The following CSMD1 variants were observed in gnomAD, a reference collection of about 807,000 sequenced individuals.
The protein encoded by CSMD1 is CUB and Sushi multiple domains 1.
A neutral mutation model predicts 417.5 loss-of-function variants in CSMD1; 213 were observed. The observed-to-expected ratio is 0.51, with a 90% CI of 0.46 to 0.57. The LOEUF (loss-of-function observed/expected upper bound fraction) is 0.57. Ranked by LOEUF, CSMD1 falls within the 20% of genes least tolerant of loss-of-function variation. CSMD1 has a pLI of 0.00. For missense variants in CSMD1, 6,923 were observed against 4,529.7 expected (o/e 1.53, Z -15.17); for synonymous variants, 2,862 against 1,736.8 (o/e 1.65, Z -16.11).
chr8:4,811,796 C>G (rs1364772737), intron 1 of CSMD1, among the ~76,000 whole-genome samples: 1 of 151,864 alleles, frequency 6.6e-6, no homozygotes, highest in Non-Finnish European at 1.5e-5. Context: ...GTTTAAAATA[C>G]CAAGTTTTGC....
chr8:4,487,805 C>T (rs777359262), intron 2 of CSMD1, among the ~76,000 whole-genome samples: 1 of 142,510 alleles, frequency 7.0e-6, no homozygotes, highest in Non-Finnish European at 1.5e-5. Context: ...AATTAATTAA[C>T]TTAGGCAAGA....
intron 6 of CSMD1, 105 bp from the exon 7 acceptor site, chr8:3,708,596 CG>C (rs1210399209): frequency 3.5e-6 from 3 of 856,332 alleles, no homozygotes; most frequent in Non-Finnish European, 5.9e-6. Flanking sequence ...TATCAACCCC[CG>C]AAAATGGGAA....
chr8:3,483,970 T>G lies in CSMD1; in HGVS notation c.1448+9653A>C, dbSNP rs544825118. 3.3e-5 allele frequency among the ~76,000 whole-genome samples: 5 copies of G among 152,240 alleles called. No homozygotes were observed. In the Middle Eastern group the frequency reaches 9.5e-3, roughly 289 times the overall value. ...TGTTCATGAGCTGAAAGATTTAACA[T>G]AGTAAATATGTCAATTTTCTCCAAA... On this transcript the variant is annotated intron_variant, in intron 11 of 69. Transcript: ENST00000635120.
chr8:3,310,552 G>GCTTATCCAATGTCATTGGAACATA (rs1456435162), intron 23 of CSMD1, among the ~76,000 whole-genome samples: 4 of 152,152 alleles, frequency 2.6e-5, no homozygotes, highest in African/African-American at 7.2e-5. Context: ...TAGGTATGCT[G>GCTTATCCAATGTCATTGGAACATA]CTTATCCAAT....
intron 25 of CSMD1, among the ~76,000 whole-genome samples, chr8:3,302,343 C>T (rs1479114133): frequency 1.3e-5 from 2 of 152,166 alleles, no homozygotes; most frequent in African/African-American, 4.8e-5. Context: ...CTCATCACAG[C>T]ATCTCCTCCC....
intron 12 of CSMD1, among the ~76,000 whole-genome samples, chr8:3,456,026 C>G (rs925425941): frequency 6.6e-6 from 1 of 152,174 alleles, no homozygotes; most frequent in East Asian, 1.9e-4. Context: ...GCCCCTCCCC[C>G]AGCCTCGCCG....
chr8:3,350,952 G>A (rs1258439934), intron 21 of CSMD1, among the ~76,000 whole-genome samples: 1 of 152,168 alleles, frequency 6.6e-6, no homozygotes, highest in African/African-American at 2.4e-5. Context: ...CGTTGTAACT[G>A]ATGACCCTGT....
At chr8:3,683,201 C>T (rs1346315370) in intron 7 of CSMD1, among the ~76,000 whole-genome samples, 2 of 150,960 alleles carry the variant, frequency 1.3e-5, no homozygotes, top group Admixed American at 6.6e-5. Context: ...AAGAAATATA[C>T]ATATAAATAT....
chr8:3,976,027 T>C (rs1303414238), intron 5 of CSMD1, among the ~76,000 whole-genome samples: 2 of 152,166 alleles, frequency 1.3e-5, no homozygotes, highest in Non-Finnish European at 2.9e-5. Context: ...AAGATCAATA[T>C]ATTCAATATA....
chr8:3,401,418 G>A (rs564094954), intron 15 of CSMD1, among the ~76,000 whole-genome samples: 1 of 152,034 alleles, frequency 6.6e-6, no homozygotes, highest in Middle Eastern at 3.2e-3. Flanking sequence ...AATTTACAGT[G>A]TATGTTAGAA....
chr8:3,029,986 A>T (rs1168873863), intron 50 of CSMD1, among the ~76,000 whole-genome samples: 1 of 152,112 alleles, frequency 6.6e-6, no homozygotes. Context: ...TATATAATAT[A>T]TCTATATATC....
intron 5 of CSMD1, among the ~76,000 whole-genome samples, chr8:3,937,632 T>C (rs996218542): frequency 6.6e-6 from 1 of 152,206 alleles, no homozygotes; most frequent in Non-Finnish European, 1.5e-5. Context: ...CTTGCTTTCT[T>C]GCAGTCATCT....
At chr8:3,029,279 G>A (rs747946899) in intron 51 of CSMD1, 40 bp downstream of exon 51, 1 of 1,533,278 alleles carries the variant, frequency 6.5e-7, no homozygotes, top group Non-Finnish European at 8.9e-7. Flanking sequence ...GAATAATCTA[G>A]GATGCCGTGA....
intron 7 of CSMD1, among the ~76,000 whole-genome samples, chr8:3,654,988 G>A (rs1798032559): frequency 6.6e-6 from 1 of 152,154 alleles, no homozygotes; most frequent in Admixed American, 6.5e-5. Flanking sequence ...TGCCAGGTGT[G>A]AAGAAAGGGA....
At chr8:3,198,215 G>C (rs555750128) in intron 33 of CSMD1, among the ~76,000 whole-genome samples, 1 of 152,052 alleles carries the variant, frequency 6.6e-6, no homozygotes, top group Admixed American at 6.5e-5. Flanking sequence ...TCTGATGATG[G>C]GATAGATTTT....
intron 1 of CSMD1, among the ~76,000 whole-genome samples, chr8:4,713,559 G>C (rs563965090): frequency 6.6e-6 from 1 of 152,114 alleles, no homozygotes; most frequent in East Asian, 1.9e-4. Context: ...CTGCCACCAC[G>C]CCTAGTTAAT....
At chr8:4,074,081 T>C (rs1036875122) in intron 3 of CSMD1, among the ~76,000 whole-genome samples, 6 of 152,072 alleles carry the variant, frequency 3.9e-5, no homozygotes, top group Non-Finnish European at 8.8e-5. Flanking sequence ...AATAGACAAA[T>C]TTTGTAATAT....
At chr8:3,585,754 C>G (rs1336455252) in intron 9 of CSMD1, among the ~76,000 whole-genome samples, 2 of 152,104 alleles carry the variant, frequency 1.3e-5, no homozygotes, top group African/African-American at 2.4e-5. Context: ...AAAAATTCAA[C>G]CTCACTGCAA....
chr8:3,527,898 C>G (rs188557737), intron 10 of CSMD1, among the ~76,000 whole-genome samples: 7 of 152,326 alleles, frequency 4.6e-5, no homozygotes, highest in African/African-American at 1.7e-4. Flanking sequence ...ACGGACATTA[C>G]AGGCTGGCTA....
Sources: allele counts gnomAD v4.1 joint callset (sites outside exome capture counted in the v4.1 genomes callset), GRCh38; gene constraint gnomAD v4.1.1; transcripts MANE v1.5; gene names NCBI Gene and HGNC (gene_info 2026-07-23, HGNC 2026-07-21).